CCAR2: variants seen among roughly 807,000 people sequenced by gnomAD.
The protein encoded by CCAR2 is cell cycle and apoptosis regulator protein 2.
Under a neutral mutation model 108.1 loss-of-function variants are expected in CCAR2, and 21 were observed. The observed-to-expected ratio is 0.19, with a 90% CI of 0.14 to 0.28. The LOEUF is 0.28. Ranked by LOEUF, CCAR2 falls within the 10% of genes least tolerant of loss-of-function variation. The pLI, the probability that CCAR2 is intolerant of heterozygous loss-of-function variation, is 1.00. For missense variants in CCAR2, 1,126 were observed against 1,177.0 expected (o/e 0.96, Z 0.63); for synonymous variants, 577 against 472.8 (o/e 1.22, Z -2.86).
chr8:22,615,035 C>T lies in CCAR2; in HGVS notation c.1205+34C>T, dbSNP rs200583212. 314 of 1,515,706 alleles carry T rather than the reference C, an allele frequency of 2.1e-4. No individual in the cohort carries two copies. In the African/African-American group the frequency reaches 3.7e-3, roughly 18 times the overall value. 93.9% of individuals were successfully genotyped at this position (1,515,706 alleles called of 1,614,324 possible). On this transcript the variant is annotated intron_variant, in intron 11 of 20. Coordinates refer to ENST00000308511, the MANE Select transcript of CCAR2 (RefSeq NM_001393997.1). Reference sequence around the variant, plus strand: ...GCTTCCTGAGCCTCAGCTGCACCAACGCACCAGGTTGGGGAGGTTTTGTTG... The same window carrying T: ...GCTTCCTGAGCCTCAGCTGCACCAATGCACCAGGTTGGGGAGGTTTTGTTG...
intron 16 of CCAR2, 137 bp downstream of exon 16, chr8:22,617,915 CATGGAAGGG>C (rs1296498419): frequency 1.2e-6 from 1 of 826,398 alleles, no homozygotes; most frequent in Non-Finnish European, 1.9e-6. Context: ...GTCCTTGGCT[CATGGAAGGG>C]CACGTTCATA....
Position 22,615,773 on chromosome 8 carries a change from A to G in CCAR2, c.1469A>G (p.Gln490Arg), listed in dbSNP as rs1801479257. The G allele has an allele frequency of 1.2e-6, 2 of 1,613,946 alleles. No individual in the cohort carries two copies. Among genetic ancestry groups the G allele is most frequent in the Non-Finnish European group, 1.7e-6 (2 of 1,179,998 alleles). The stretch of plus-strand genomic sequence containing the variant: ...GCAGAAACTCCAGAGGCCACCACAC[A>G]GCAGGAAACGGACACTGATCTCCCA... ...RNAETPEATT[Q>R]QETDTDLPEA... The change falls in exon 13 of 21, where the codon CAG becomes CGG. Residue 490 changes from glutamine to arginine, a missense_variant. Around this residue, in one of 4 missense-constraint regions of CCAR2, gnomAD observed 1,013 missense variants for 993.9 expected, o/e 1.02. Coordinates refer to ENST00000308511, the MANE Select transcript of CCAR2 (RefSeq NM_001393997.1).
In CCAR2 at chr8:22,606,986, C is replaced by A. The variant is rs374798536; in HGVS notation, c.319C>A (p.Pro107Thr). ...KAAYNPGQAVPWNAVKVQTLS... is the reference protein window; with the variant it reads ...KAAYNPGQAVTWNAVKVQTLS... ...TGCATACAACCCAGGCCAGGCAGTG[C>A]CCTGGAATGCTGTCAAGGTGCAAAC... Residue 107 changes from proline to threonine, a missense_variant, in exon 5 of 21, where the codon CCC (proline) becomes ACC (threonine). Around this residue, in one of 4 missense-constraint regions of CCAR2, gnomAD observed 44 missense variants for 63.4 expected, o/e 0.69. Coordinates refer to ENST00000308511, the MANE Select transcript of CCAR2 (RefSeq NM_001393997.1). 1 of 1,613,986 alleles carries A rather than the reference C, an allele frequency of 6.2e-7. No individual in the cohort carries two copies. The highest frequency in any genetic ancestry group is 8.5e-7 in the Non-Finnish European group (1 of 1,180,022).
chr8:22,613,987 T>A, intron 8 of CCAR2, 105 bp from the exon 9 acceptor site: 1 of 993,360 alleles, frequency 1.0e-6, no homozygotes, highest in Non-Finnish European at 1.5e-6. Flanking sequence ...CTTCAAAAGT[T>A]CTCAGACTGA....
chr8:22,615,917 G>T lies in CCAR2; in HGVS notation c.1608+5G>T. ...AAGGAAAGGATCTCTTTTGAGGCAG[G>T]TGTCAAGAGTCTTGGGGAGGCTGTG... On this transcript the variant is annotated splice_donor_5th_base_variant and intron_variant, in intron 13 of 20. Coordinates refer to ENST00000308511, the MANE Select transcript of CCAR2 (RefSeq NM_001393997.1). The T allele has an allele frequency of 6.2e-7, 1 of 1,613,990 alleles. No individual in the cohort carries two copies. The highest frequency in any genetic ancestry group is 8.5e-7 in the Non-Finnish European group (1 of 1,179,964).
At chr8:22,606,210 C>A in intron 3 of CCAR2, 34 bp downstream of exon 3, 2 of 1,521,186 alleles carry the variant, frequency 1.3e-6, no homozygotes, top group South Asian at 1.1e-5. Flanking sequence ...AAGTTTCAGC[C>A]CTTGGGACTG....
intron 11 of CCAR2, 70 bp from the exon 12 acceptor site, chr8:22,615,354 CT>C: frequency 6.5e-7 from 1 of 1,543,554 alleles, no homozygotes; most frequent in Non-Finnish European, 8.8e-7. Context: ...AACTGAAGCC[CT>C]TGCCTGTGAA....
At chr8:22,614,558 C>A in intron 10 of CCAR2, 55 bp downstream of exon 10, 2 of 1,493,998 alleles carry the variant, frequency 1.3e-6, no homozygotes, top group South Asian at 1.1e-5. Flanking sequence ...CACAACCTGT[C>A]ATGTTTTGAG....
chr8:22,614,949 A>G lies in CCAR2; in HGVS notation c.1153A>G (p.Ile385Val). The change falls in exon 11 of 21, where the codon ATC (isoleucine) becomes GTC (valine). Residue 385 changes from isoleucine to valine, a missense_variant. Ile to Val is a conservative substitution (Grantham distance 29). Coordinates refer to ENST00000308511, the MANE Select transcript of CCAR2 (RefSeq NM_001393997.1). ...ADPQVLVRTA[I>V]RCAQAQTGID... Reference sequence around the variant, plus strand: ...CCCGCAGGTGCTGGTGCGTACCGCCATCCGCTGTGCGCAGGCCCAGACTGG... The same window carrying G: ...CCCGCAGGTGCTGGTGCGTACCGCCGTCCGCTGTGCGCAGGCCCAGACTGG... 6.2e-7 allele frequency: 1 copy of G among 1,610,586 alleles called. No individual in the cohort carries two copies. The highest frequency in any genetic ancestry group is 1.1e-5 in the South Asian group (1 of 90,572).
chr8:22,607,459 T>C (rs1801118642), intron 6 of CCAR2, 134 bp downstream of exon 6: 1 of 929,292 alleles, frequency 1.1e-6, no homozygotes, highest in African/African-American at 1.7e-5. Context: ...TCTGGATAGG[T>C]GTTTAGGGTT....
chr8:22,618,755 C>G, intron 18 of CCAR2, 27 bp downstream of exon 18: 1 of 1,613,692 alleles, frequency 6.2e-7, no homozygotes, highest in Non-Finnish European at 8.5e-7. Context: ...TGCAGCCTTC[C>G]TGGGGCACGG....
intron 7 of CCAR2, among the ~76,000 whole-genome samples, chr8:22,611,102 T>C (rs1289085148): frequency 6.6e-6 from 1 of 152,012 alleles, no homozygotes; most frequent in African/African-American, 2.4e-5. Flanking sequence ...GGCTCATGCC[T>C]GTAATCCTAG....
In CCAR2 at chr8:22,605,678, C is replaced by T. The variant is rs374438902; in HGVS notation, c.-38-58C>T. The T allele has an allele frequency of 5.9e-6, 6 of 1,021,522 alleles. No individual in the cohort carries two copies. The East Asian group carries it at 7.2e-5, about 12-fold the overall frequency. 63.3% of individuals were successfully genotyped at this position (1,021,522 alleles called of 1,614,324 possible). ...CCTTACTTAAGATTCTCCACTTTTCCGGGTATAGATGGAAATTTCCCTTAT... is the reference window on the plus strand; with the variant it reads ...CCTTACTTAAGATTCTCCACTTTTCTGGGTATAGATGGAAATTTCCCTTAT... On this transcript the variant is annotated intron_variant, in intron 1 of 20. Coordinates refer to ENST00000308511, the MANE Select transcript of CCAR2 (RefSeq NM_001393997.1).
chr8:22,607,472 T>TG lies in CCAR2; in HGVS notation c.487+147_487+148insG, dbSNP rs1480076036. 4.9e-6 allele frequency: 4 copies of TG among 821,646 alleles called. No homozygotes were observed. The African/African-American group carries it at 5.4e-5, about 11-fold the overall frequency. 50.9% of individuals were successfully genotyped at this position (821,646 alleles called of 1,614,324 possible). A position where few individuals can be genotyped will look rare whatever the true frequency, so the allele number is the denominator to read the frequency against. ...AATCTGGATAGGTGTTTAGGGTTTT[T>TG]TTTTTTTTTTTTTTTGATGGAGTCT... On this transcript the variant is annotated intron_variant, in intron 6 of 20. Transcript: ENST00000308511.
chr8:22,614,779 G>A, intron 10 of CCAR2, 59 bp from the exon 11 acceptor site: 1 of 1,088,768 alleles, frequency 9.2e-7, no homozygotes, highest in Non-Finnish European at 1.3e-6. Context: ...GCCTTGCCCT[G>A]CAGTGGGAGA....
Position 22,606,965 on chromosome 8 carries a change from T to A in CCAR2, c.298T>A (p.Tyr100Asn). 1 of 1,614,106 alleles carries A rather than the reference T, an allele frequency of 6.2e-7. No individual in the cohort carries two copies. The highest frequency in any genetic ancestry group is 8.5e-7 in the Non-Finnish European group (1 of 1,180,000). ...TGAGAAGGTGCTGGTGAAGGCTGCATACAACCCAGGCCAGGCAGTGCCCTG... is the reference window on the plus strand; with the variant it reads ...TGAGAAGGTGCTGGTGAAGGCTGCAAACAACCCAGGCCAGGCAGTGCCCTG... ...LGEKVLVKAA[Y>N]NPGQAVPWNA... The change falls in exon 5 of 21, where the codon TAC (tyrosine) becomes AAC (asparagine). Residue 100 changes from tyrosine to asparagine, a missense_variant. Physicochemically the swap from Tyr to Asn is moderately radical, Grantham distance 143 (BLOSUM62 -2). This residue lies in a region of CCAR2 where 44 missense variants were observed against 63.4 expected (regional missense o/e 0.69). Transcript: ENST00000308511.
At chr8:22,615,382 A>G in intron 11 of CCAR2, 43 bp from the exon 12 acceptor site, 1 of 1,594,324 alleles carries the variant, frequency 6.3e-7, no homozygotes, top group South Asian at 1.1e-5. Context: ...GTCTGCGTGG[A>G]GTTGTCACTA....
intron 7 of CCAR2, among the ~76,000 whole-genome samples, chr8:22,609,365 T>A (rs1247254080): frequency 1.3e-5 from 2 of 152,230 alleles, no homozygotes; most frequent in Non-Finnish European, 2.9e-5. Flanking sequence ...TTGCCCAGGC[T>A]GGTCTCGAAC....
chr8:22,618,776 C>G, intron 18 of CCAR2, 48 bp downstream of exon 18: 2 of 1,613,314 alleles, frequency 1.2e-6, no homozygotes, highest in Non-Finnish European at 1.7e-6. Flanking sequence ...GCAGGGCAGG[C>G]TGCCCTCTCT....
Sources: allele counts gnomAD v4.1 joint callset (sites outside exome capture counted in the v4.1 genomes callset), GRCh38; gene constraint gnomAD v4.1.1; regional missense constraint gnomAD v4.1.1; transcripts MANE v1.5; gene names NCBI Gene and HGNC (gene_info 2026-07-23, HGNC 2026-07-21).